KALRN: variants seen among roughly 807,000 people sequenced by gnomAD.
The protein encoded by KALRN is kalirin.
A neutral mutation model predicts 353.7 loss-of-function variants in KALRN; 70 were observed. The ratio of observed to expected loss-of-function variants is 0.20; its 90% CI spans 0.16 to 0.24. The LOEUF is 0.24. Ranked by LOEUF, KALRN falls within the 10% of genes least tolerant of loss-of-function variation. The pLI is 1.00. For missense variants in KALRN, 2,791 were observed against 3,756.7 expected (o/e 0.74, Z 6.72); for synonymous variants, 1,391 against 1,434.8 (o/e 0.97, Z 0.69).
Position 124,725,152 on chromosome 3 carries a change from A to G in KALRN, c.*5682A>G, listed in dbSNP as rs2063404087. ...AATACCTGACTTCCATCAACAACTG[A>G]ATCCATGTTCTGGAGTATTACAGAG... On this transcript the variant is annotated 3_prime_UTR_variant, in exon 60 of 60. Coordinates refer to ENST00000682506, the MANE Select transcript of KALRN (RefSeq NM_001388419.1). 6.6e-6 allele frequency: 1 copy of G among 152,218 alleles called. No individual in the cohort carries two copies. The highest frequency in any genetic ancestry group is 2.1e-4 in the South Asian group (1 of 4,824). 9.4% of individuals were successfully genotyped at this position (152,218 alleles called of 1,614,324 possible).
intron 10 of KALRN, among the ~76,000 whole-genome samples, chr3:124,379,429 C>T (rs748638647): frequency 7.9e-5 from 12 of 151,992 alleles, no homozygotes; most frequent in Non-Finnish European, 1.6e-4. Flanking sequence ...TACCAGACAT[C>T]GTGAGTTTTA....
At chr3:124,645,092 T>G (rs1226064193) in intron 37 of KALRN, among the ~76,000 whole-genome samples, 1 of 152,268 alleles carries the variant, frequency 6.6e-6, no homozygotes, top group East Asian at 1.9e-4. Flanking sequence ...GATGAGCTTT[T>G]TTTCATGTGT....
At chr3:124,681,245 A>G (rs637551) in intron 51 of KALRN, among the ~76,000 whole-genome samples, 78,315 of 152,002 alleles carry the variant, frequency 0.52, 21,518 homozygotes, top group East Asian at 0.71. Context: ...GCCCCATTCT[A>G]CACTTAGATA....
At chr3:124,152,206 T>C (rs1430564889) in intron 1 of KALRN, 23 of 1,582,620 alleles carry the variant, frequency 1.5e-5, no homozygotes, top group Non-Finnish European at 1.4e-5. Flanking sequence ...TCGCTTCTTA[T>C]TGATTTTGCC....
Position 124,334,529 on chromosome 3 carries a change from A to G in KALRN, c.1647+34A>G. On this transcript the variant is annotated intron_variant, in intron 9 of 59. Coordinates refer to ENST00000682506, the MANE Select transcript of KALRN (RefSeq NM_001388419.1). The surrounding 1 kb of genome is among the most constrained non-coding windows in gnomAD (Gnocchi z 4.2). The stretch of plus-strand genomic sequence containing the variant: ...CTCTGAGCCCCGGTGTCCATTATCC[A>G]TTCTAGGAGGCAGACCGAGCTCAAG... The G allele has an allele frequency of 6.6e-7, 1 of 1,505,726 alleles. No homozygotes were observed. The highest frequency in any genetic ancestry group is 2.3e-5 in the East Asian group (1 of 43,230). The allele number at this position is 1,505,726 out of a possible 1,614,324, so 93.3% of individuals were successfully genotyped here.
At chr3:124,120,981 C>T (rs2063953935) in intron 1 of KALRN, among the ~76,000 whole-genome samples, 1 of 148,862 alleles carries the variant, frequency 6.7e-6, no homozygotes, top group South Asian at 2.1e-4. Flanking sequence ...GTAATCCCAG[C>T]TGCTTGGGAA....
chr3:124,271,668 C>G (rs1303683561), intron 5 of KALRN, among the ~76,000 whole-genome samples: 1 of 152,214 alleles, frequency 6.6e-6, no homozygotes, highest in African/African-American at 2.4e-5. Context: ...CCTGCTGTCC[C>G]TCTGCTCCCA....
chr3:124,661,732 C>G (rs1224133887), intron 44 of KALRN, 119 bp from the exon 45 acceptor site: 1 of 791,690 alleles, frequency 1.3e-6, no homozygotes, highest in African/African-American at 1.7e-5. Flanking sequence ...AACCAGCATC[C>G]CTTCCTAGAA....
intron 53 of KALRN, among the ~76,000 whole-genome samples, chr3:124,695,100 C>T (rs1398821286): frequency 6.6e-6 from 1 of 152,178 alleles, no homozygotes; most frequent in African/African-American, 2.4e-5. Context: ...TGTTTAATTC[C>T]TCACCTAAGA....
chr3:124,332,295 C>T (rs2080657825), intron 8 of KALRN, among the ~76,000 whole-genome samples: 2 of 152,186 alleles, frequency 1.3e-5, no homozygotes, highest in African/African-American at 4.8e-5. Flanking sequence ...AAGCTATTAT[C>T]AGGGACCAAA....
intron 57 of KALRN, among the ~76,000 whole-genome samples, chr3:124,712,587 T>C (rs186800472): frequency 3.7e-4 from 55 of 147,014 alleles, no homozygotes; most frequent in Non-Finnish European, 7.3e-4. Flanking sequence ...CCTGGAAAGT[T>C]GAGGCTGAAG....
At chr3:124,603,314 T>C (rs2077001679) in intron 34 of KALRN, among the ~76,000 whole-genome samples, 1 of 152,216 alleles carries the variant, frequency 6.6e-6, no homozygotes, top group African/African-American at 2.4e-5. Flanking sequence ...CTCCCAGATA[T>C]CTATCTCCTT....
intron 45 of KALRN, among the ~76,000 whole-genome samples, chr3:124,662,425 G>C (rs1220218601): frequency 6.6e-6 from 1 of 151,944 alleles, no homozygotes; most frequent in Non-Finnish European, 1.5e-5. Context: ...GCCAGGCTAG[G>C]AAAGACCCAG....
intron 1 of KALRN, among the ~76,000 whole-genome samples, chr3:124,145,208 T>C (rs1190323031): frequency 6.6e-6 from 1 of 152,146 alleles, no homozygotes; most frequent in Non-Finnish European, 1.5e-5. Context: ...CCTCCTCCCT[T>C]TATCGATCTA....
intron 33 of KALRN, among the ~76,000 whole-genome samples, chr3:124,547,970 G>A (rs972402902): frequency 6.6e-6 from 1 of 152,140 alleles, no homozygotes; most frequent in African/African-American, 2.4e-5. Flanking sequence ...TTGCCCAAGT[G>A]TTCCTCCAGG....
chr3:124,192,529 G>T lies in KALRN; in HGVS notation c.74-35461G>T, dbSNP rs552988372. Among the ~76,000 whole-genome samples, 309 of 152,158 alleles carry T rather than the reference G, an allele frequency of 2.0e-3. 1 individual carries two copies. Among genetic ancestry groups the T allele is most frequent in the African/African-American group, 7.0e-3 (289 of 41,502 alleles). On this transcript the variant is annotated intron_variant, in intron 1 of 59. Coordinates refer to ENST00000682506, the MANE Select transcript of KALRN (RefSeq NM_001388419.1). ...ACATTTTAAAATAAAGAATATAATT[G>T]AATTATTTGTAACTCGAAGGATAAA...
intron 1 of KALRN, among the ~76,000 whole-genome samples, chr3:124,105,145 G>T (rs1480092434): frequency 1.3e-5 from 2 of 152,188 alleles, no homozygotes. Flanking sequence ...GGATGTAAAA[G>T]ATAATGTCAG....
intron 19 of KALRN, among the ~76,000 whole-genome samples, chr3:124,443,477 G>A (rs1374469763): frequency 6.6e-6 from 1 of 152,204 alleles, no homozygotes; most frequent in African/African-American, 2.4e-5. Context: ...TGGAATCAAA[G>A]TTCCCTACAG....
At chr3:124,209,283 TTGTC>T (rs1424065883) in intron 1 of KALRN, among the ~76,000 whole-genome samples, 1 of 151,848 alleles carries the variant, frequency 6.6e-6, no homozygotes, top group Non-Finnish European at 1.5e-5. Flanking sequence ...GGTGGGCAGA[TTGTC>T]TGAGCTCAGG....
Sources: gnomAD v4.1 joint callset for allele counts (sites outside exome capture counted in the v4.1 genomes callset) on GRCh38, gnomAD v4.1.1 for gene constraint, Gnocchi (gnomAD v3.1) non-coding constraint, MANE v1.5 for transcripts, NCBI Gene and HGNC (gene_info 2026-07-23, HGNC 2026-07-21) for gene names.